The following TTC38 variants were observed in gnomAD, a reference collection of about 807,000 sequenced individuals.
The protein encoded by TTC38 is tetratricopeptide repeat protein 38.
In TTC38, 64 loss-of-function variants were observed where a neutral mutation model predicts 64.2. The ratio of observed to expected loss-of-function variants is 1.00; its 90% CI spans 0.81 to 1.23. TTC38 has a LOEUF of 1.23. Among genes scored for constraint, TTC38 ranks in the 50% most tolerant of loss-of-function variants. The pLI is 0.00. For missense variants in TTC38, 573 were observed against 615.5 expected (o/e 0.93, Z 0.73); for synonymous variants, 254 against 249.3 (o/e 1.02, Z -0.18).
At position 46,293,214 on chromosome 22, in the gene TTC38, TG is replaced by T. The variant is rs2077628932; in HGVS notation, c.*335del. ...CAAAGGTTGGAAGGCAGGGCAGAGG[TG>T]GGGGCTGATTCTGCTGGGACAGGTC... On this transcript the variant is annotated 3_prime_UTR_variant, in exon 14 of 14. Coordinates refer to ENST00000381031, the MANE Select transcript of TTC38 (RefSeq NM_017931.4). This position sits in a 1 kb window ranked among gnomAD's most constrained non-coding sequence, Gnocchi z 6.6. 1 of 293,826 alleles carries T rather than the reference TG, an allele frequency of 3.4e-6. No individual in the cohort carries two copies. The highest frequency in any genetic ancestry group is 6.7e-6 in the Non-Finnish European group (1 of 149,946). The allele number at this position is 293,826 out of a possible 1,614,324, so 18.2% of individuals were successfully genotyped here.
rs2077588626 is a variant in TTC38 at position 46,288,586 on chromosome 22, C to T, written c.1080C>T (p.Ser360=). The T allele has an allele frequency of 5.0e-6, 8 of 1,613,006 alleles. No homozygotes were observed. Among genetic ancestry groups the T allele is most frequent in the South Asian group, 3.3e-5 (3 of 91,028 alleles). The change falls in exon 11 of 14, where the codon AGC becomes AGT. Residue 360 remains serine, a splice_region_variant and synonymous_variant. Transcript: ENST00000381031. ...TGCTGACCACCCTGCGGGACGCCAG[C>T]GAGTATGCAGAGGGGCCTTCTCGGG... ...QELLTTLRDA[S]ESPGENCQHL...
chr22:46,268,096 AG>A (rs1457792147), intron 1 of TTC38, 24 bp downstream of exon 1: 1 of 1,535,478 alleles, frequency 6.5e-7, no homozygotes, highest in East Asian at 2.5e-5. Context: ...GCCCCCAACC[AG>A]GTCCCCCTCG....
chr22:46,270,046 CCT>C lies in TTC38; in HGVS notation c.111+1459_111+1460del, dbSNP rs2147783128. ...TGACCTTGTGATTCCCCTGCCTTGG[CCT>C]CTCAAAGTGCTGGGATTACAGGCGT... On this transcript the variant is annotated intron_variant, in intron 2 of 13. Coordinates refer to ENST00000381031, the MANE Select transcript of TTC38 (RefSeq NM_017931.4). The surrounding 1 kb of genome is among the most constrained non-coding windows in gnomAD (Gnocchi z 4.7). Among the ~76,000 whole-genome samples, 1 of 152,296 alleles carries C rather than the reference CCT, an allele frequency of 6.6e-6. No individual in the cohort carries two copies. Among genetic ancestry groups the C allele is most frequent in the Admixed American group, 6.5e-5 (1 of 15,304 alleles).
Position 46,273,456 on chromosome 22 carries a change from T to A in TTC38, c.194-442T>A, listed in dbSNP as rs1321779994. Reference sequence around the variant, plus strand: ...ACAAGGCACTCACCCCCACCCTAACTTTTAGCATGTGTGAGCAGCACAGAT... The same window carrying A: ...ACAAGGCACTCACCCCCACCCTAACATTTAGCATGTGTGAGCAGCACAGAT... On this transcript the variant is annotated intron_variant, in intron 3 of 13. Coordinates refer to ENST00000381031, the MANE Select transcript of TTC38 (RefSeq NM_017931.4). The surrounding 1 kb of genome is among the most constrained non-coding windows in gnomAD (Gnocchi z 5.1). Among the ~76,000 whole-genome samples, 1 of 152,194 alleles carries A rather than the reference T, an allele frequency of 6.6e-6. No homozygotes were observed. Among genetic ancestry groups the A allele is most frequent in the Non-Finnish European group, 1.5e-5 (1 of 68,032 alleles).
chr22:46,285,716 A>T (rs1386012966), intron 9 of TTC38, among the ~76,000 whole-genome samples: 1 of 151,946 alleles, frequency 6.6e-6, no homozygotes, highest in African/African-American at 2.4e-5. Flanking sequence ...AAATAACATA[A>T]AATTACGTGT....
chr22:46,276,649 C>T lies in TTC38; in HGVS notation c.539+1228C>T, dbSNP rs1340287951. Among the ~76,000 whole-genome samples, 1 of 150,378 alleles carries T rather than the reference C, an allele frequency of 6.6e-6. No individual in the cohort carries two copies. The highest frequency in any genetic ancestry group is 2.4e-5 in the African/African-American group (1 of 40,854). ...GGAGTTTGAGGCTGCAGTGAGCTGG[C>T]GATCATGCCACTGCACTCAGCCTGG... On this transcript the variant is annotated intron_variant, in intron 5 of 13. Transcript: ENST00000381031. The surrounding 1 kb of genome is among the most constrained non-coding windows in gnomAD (Gnocchi z 4.7).
chr22:46,274,016 G>A lies in TTC38; in HGVS notation c.312G>A (p.Pro104=), dbSNP rs200182517. The change falls in exon 4 of 14, where the codon CCG becomes CCA. Residue 104 remains proline (P), a synonymous_variant. Transcript: ENST00000381031. The surrounding 1 kb of genome is among the most constrained non-coding windows in gnomAD (Gnocchi z 4.8). ...TGGTGGAGATTTCAAGAACCCAGCC[G>A]CTGACAAGGCGGGAGCAGCTGCACG... ...KTMVEISRTQ[P]LTRREQLHVS... 6.3e-5 allele frequency: 102 copies of A among 1,614,204 alleles called. No homozygotes were observed. Among genetic ancestry groups the A allele is most frequent in the African/African-American group, 5.2e-4 (39 of 75,062 alleles).
Position 46,276,824 on chromosome 22 carries a change from A to AATATATATATATATATATAT in TTC38, c.539+1420_539+1421insTATATATATATATATATATA, listed in dbSNP as rs57859102. Reference sequence around the variant, plus strand: ...ATTATATATTAAAATATATATATTAAATATATATATATATATAAACATATA... The same window carrying AATATATATATATATATATAT: ...ATTATATATTAAAATATATATATTAAATATATATATATATATATATATATATATATATATATAAACATATA... On this transcript the variant is annotated intron_variant, in intron 5 of 13. Coordinates refer to ENST00000381031, the MANE Select transcript of TTC38 (RefSeq NM_017931.4). The surrounding 1 kb of genome is among the most constrained non-coding windows in gnomAD (Gnocchi z 4.7). 6.4e-5 allele frequency among the ~76,000 whole-genome samples: 9 copies of AATATATATATATATATATAT among 139,544 alleles called. No individual in the cohort carries two copies. The highest frequency in any genetic ancestry group is 2.5e-4 in the African/African-American group (9 of 36,178). The allele number at this position is 139,544 out of a possible 152,430, so 91.5% of individuals were successfully genotyped here.
rs987562449 is a variant in TTC38 at position 46,272,016 on chromosome 22, C to G, written c.112-319C>G. 6.6e-6 allele frequency among the ~76,000 whole-genome samples: 1 copy of G among 151,892 alleles called. No homozygotes were observed. The highest frequency in any genetic ancestry group is 6.6e-5 in the Admixed American group (1 of 15,258). ...TATTTTTATTTTTTGTTTTTTGAGA[C>G]AGTCTCTCTCTGCCATCCAGGCTGG... On this transcript the variant is annotated intron_variant, in intron 2 of 13. Coordinates refer to ENST00000381031, the MANE Select transcript of TTC38 (RefSeq NM_017931.4). The surrounding 1 kb of genome is among the most constrained non-coding windows in gnomAD (Gnocchi z 6.4).
chr22:46,288,529 G>C lies in TTC38; in HGVS notation c.1023G>C (p.Leu341=). 3 of 1,614,042 alleles carry C rather than the reference G, an allele frequency of 1.9e-6. No individual in the cohort carries two copies. The highest frequency in any genetic ancestry group is 2.5e-6 in the Non-Finnish European group (3 of 1,179,936). Residue 341 remains leucine (L), a synonymous_variant, in exon 11 of 14, where the codon CTG becomes CTC. Transcript: ENST00000381031. ...ACGCACACTTCCTGATGGCATCCCT[G>C]GGTGCACACGACCCCCAGACCACAC... ...FNDAHFLMAS[L]GAHDPQTTQE...
chr22:46,292,739 C>T lies in TTC38; in HGVS notation c.1317-52C>T, dbSNP rs925688746. 2.0e-6 allele frequency: 3 copies of T among 1,523,344 alleles called. No homozygotes were observed. The highest frequency in any genetic ancestry group is 2.7e-5 in the African/African-American group (2 of 73,248). The allele number at this position is 1,523,344 out of a possible 1,614,324, so 94.4% of individuals were successfully genotyped here. ...CTTGGGACCAAGGGACCACCAGGCC[C>T]CACATCCCTCTAGAAGGTTCTGTAA... is the stretch of plus-strand genomic sequence containing the variant. On this transcript the variant is annotated intron_variant, in intron 13 of 13. Transcript: ENST00000381031. This position sits in a 1 kb window ranked among gnomAD's most constrained non-coding sequence, Gnocchi z 6.5.
intron 7 of TTC38, among the ~76,000 whole-genome samples, chr22:46,283,164 CTT>C (rs1181501102): frequency 1.3e-5 from 2 of 152,012 alleles, no homozygotes; most frequent in African/African-American, 4.8e-5. Flanking sequence ...GTCTTGGACT[CTT>C]GGGCTCAGTT....
chr22:46,275,074 G>C lies in TTC38; in HGVS notation c.366-174G>C, dbSNP rs534289182. Among the ~76,000 whole-genome samples, 71 of 152,252 alleles carry C rather than the reference G, an allele frequency of 4.7e-4. No individual in the cohort carries two copies. The highest frequency in any genetic ancestry group is 8.1e-4 in the Non-Finnish European group (55 of 68,022). ...CTGACCTCGTGATCCACCTGCCTTGGTCTCCCAAAGTGCTGGGATTACAGG... is the reference window on the plus strand; with the variant it reads ...CTGACCTCGTGATCCACCTGCCTTGCTCTCCCAAAGTGCTGGGATTACAGG... On this transcript the variant is annotated intron_variant, in intron 4 of 13. Transcript: ENST00000381031. The surrounding 1 kb of genome is among the most constrained non-coding windows in gnomAD (Gnocchi z 4.5).
chr22:46,278,565 G>A, intron 5 of TTC38, 21 bp from the exon 6 acceptor site: 2 of 1,603,832 alleles, frequency 1.2e-6, no homozygotes, highest in African/African-American at 1.3e-5. Context: ...TGTATTCTGA[G>A]ATCTTTTTTT....
chr22:46,292,987 T>C lies in TTC38; in HGVS notation c.*103T>C. ...GGTCAGGAGACGGCCAGAGCCTGTT[T>C]GTTAGGGCTGTTAGAGGGTGATCTT... On this transcript the variant is annotated 3_prime_UTR_variant, in exon 14 of 14. Coordinates refer to ENST00000381031, the MANE Select transcript of TTC38 (RefSeq NM_017931.4). The surrounding 1 kb of genome is among the most constrained non-coding windows in gnomAD (Gnocchi z 6.5). 2.5e-6 allele frequency: 2 copies of C among 806,584 alleles called. No homozygotes were observed. The highest frequency in any genetic ancestry group is 4.2e-5 in the Admixed American group (2 of 47,458). 50.0% of individuals were successfully genotyped at this position (806,584 alleles called of 1,614,324 possible).
rs1324434005 is a variant in TTC38, at chr22:46,289,557, C to T, written c.1238C>T (p.Ala413Val). ...YRIVQLGGSNAQRDVFNQLLI... is the reference protein window; with the variant it reads ...YRIVQLGGSNVQRDVFNQLLI... Reference sequence around the variant, plus strand: ...ATCGTCCAGCTCGGTGGGAGCAATGCCCAGGTGAGCCGATGGCCGCCAGCT... The same window carrying T: ...ATCGTCCAGCTCGGTGGGAGCAATGTCCAGGTGAGCCGATGGCCGCCAGCT... Residue 413 changes from alanine (A) to valine (V), a missense_variant, in exon 12 of 14, where the codon GCC becomes GTC. Ala to Val is a moderately conservative substitution (Grantham distance 64). Around this residue, in one of 3 missense-constraint regions of TTC38, gnomAD observed 371 missense variants for 381.8 expected, o/e 0.97. Transcript: ENST00000381031. 1.3e-6 allele frequency: 2 copies of T among 1,577,394 alleles called. No homozygotes were observed. Among genetic ancestry groups the T allele is most frequent in the African/African-American group, 1.3e-5 (1 of 74,434 alleles).
At chr22:46,290,725 A>T (rs990425518) in intron 13 of TTC38, among the ~76,000 whole-genome samples, 1 of 151,962 alleles carries the variant, frequency 6.6e-6, no homozygotes, top group Non-Finnish European at 1.5e-5. Flanking sequence ...TAGCTGGCAG[A>T]TGAGAGTGCT....
Position 46,285,286 on chromosome 22 carries a change from T to G in TTC38, c.834+7T>G. ...GACCATCTACGATACCCACGTAAGT[T>G]GCATTCACACCGTGTTTGGTTTGTT... On this transcript the variant is annotated splice_region_variant and intron_variant, in intron 9 of 13. Transcript: ENST00000381031. The G allele has an allele frequency of 6.2e-7, 1 of 1,614,122 alleles. No homozygotes were observed. The highest frequency in any genetic ancestry group is 8.5e-7 in the Non-Finnish European group (1 of 1,179,930).
At chr22:46,268,191 C>T (rs1194860758) in intron 1 of TTC38, 119 bp downstream of exon 1, 2 of 1,134,834 alleles carry the variant, frequency 1.8e-6, no homozygotes, top group African/African-American at 1.6e-5. Context: ...GAGCCCTGGG[C>T]GCACGGGCGC....
Sources: gnomAD v4.1 joint callset for allele counts (sites outside exome capture counted in the v4.1 genomes callset) on GRCh38, gnomAD v4.1.1 for gene constraint, gnomAD v4.1.1 regional missense constraint, Gnocchi (gnomAD v3.1) non-coding constraint, MANE v1.5 for transcripts, NCBI Gene and HGNC (gene_info 2026-07-23, HGNC 2026-07-21) for gene names.